CTNNA3: variants seen among roughly 807,000 people sequenced by gnomAD.
CTNNA3 encodes catenin alpha-3.
A neutral mutation model predicts 95.7 loss-of-function variants in CTNNA3; 76 were observed. That is an observed-to-expected ratio of 0.79 (90% CI 0.66 to 0.96). The LOEUF (loss-of-function observed/expected upper bound fraction) is 0.96, where lower values mean the gene tolerates loss of function less well. Among genes scored for constraint, CTNNA3 ranks in the 40% least tolerant of loss-of-function variants. The pLI, the probability that CTNNA3 is intolerant of heterozygous loss-of-function variation, is 0.00. For synonymous variants in CTNNA3, 431 were observed against 374.4 expected (o/e 1.15, Z -1.74); for missense variants, 1,191 against 1,089.8 (o/e 1.09, Z -1.31).
At chr10:66,468,978 T>C (rs1839030678) in intron 11 of CTNNA3, among the ~76,000 whole-genome samples, 1 of 151,844 alleles carries the variant, frequency 6.6e-6, no homozygotes, top group Non-Finnish European at 1.5e-5. Context: ...TGCATAAAAC[T>C]TTAAAAAATA....
rs542901714 is a variant in CTNNA3, at chr10:66,788,309, G to A, written c.1048-12785C>T. Among the ~76,000 whole-genome samples the A allele has an allele frequency of 1.2e-4, 18 of 152,228 alleles. No homozygotes were observed. The East Asian group carries it at 3.1e-3, about 26-fold the overall frequency. ...GCCATAAACTAAGCCTCTCTGAGCA[G>A]GGTGATTTGGACAGGGTGCTATATA... On this transcript the variant is annotated intron_variant, in intron 7 of 17. Coordinates refer to ENST00000433211, the MANE Select transcript of CTNNA3 (RefSeq NM_013266.4).
At chr10:67,425,318 A>C (rs1200620342) in intron 5 of CTNNA3, among the ~76,000 whole-genome samples, 1 of 152,102 alleles carries the variant, frequency 6.6e-6, no homozygotes, top group Non-Finnish European at 1.5e-5. Flanking sequence ...ATGGTATAAT[A>C]TGAAACCTCT....
chr10:67,421,426 A>T (rs887425028), intron 5 of CTNNA3, among the ~76,000 whole-genome samples: 1 of 152,184 alleles, frequency 6.6e-6, no homozygotes, highest in African/African-American at 2.4e-5. Flanking sequence ...ACCAAACTGC[A>T]TCTGCTCTAA....
chr10:67,299,215 T>C (rs1840167772), intron 5 of CTNNA3, among the ~76,000 whole-genome samples: 1 of 152,088 alleles, frequency 6.6e-6, no homozygotes, highest in South Asian at 2.1e-4. Flanking sequence ...ACTTTTGGTT[T>C]ACTACCTCAG....
chr10:66,058,321 G>A lies in CTNNA3; in HGVS notation c.2159+10987C>T, dbSNP rs990724879. ...TTCCATCTCTCAGGGTTGTATCTTAGAAAAGACAGCGGGGGCAGAAATGCT... is the reference window on the plus strand; with the variant it reads ...TTCCATCTCTCAGGGTTGTATCTTAAAAAAGACAGCGGGGGCAGAAATGCT... On this transcript the variant is annotated intron_variant, in intron 15 of 17. Coordinates refer to ENST00000433211, the MANE Select transcript of CTNNA3 (RefSeq NM_013266.4). Among the ~76,000 whole-genome samples, 8 of 152,158 alleles carry A rather than the reference G, an allele frequency of 5.3e-5. No homozygotes were observed. The South Asian group carries it at 1.7e-3, about 32-fold the overall frequency.
chr10:66,817,673 G>A (rs567621497), intron 7 of CTNNA3, among the ~76,000 whole-genome samples: 1 of 151,820 alleles, frequency 6.6e-6, no homozygotes, highest in African/African-American at 2.4e-5. Context: ...TACTGACAAA[G>A]AAAATCTCAG....
intron 5 of CTNNA3, among the ~76,000 whole-genome samples, chr10:67,262,009 A>G (rs553352574): frequency 6.6e-6 from 1 of 152,320 alleles, no homozygotes; most frequent in East Asian, 1.9e-4. Context: ...TCATTTAAAT[A>G]TAATACTCAA....
chr10:66,794,732 T>C lies in CTNNA3; in HGVS notation c.1048-19208A>G, dbSNP rs79349918. On this transcript the variant is annotated intron_variant, in intron 7 of 17. Transcript: ENST00000433211. Reference sequence around the variant, plus strand: ...TCCCTGTAGATATTTGAGAGTTTTTTACTAGCGGTAGAACATCTTTCAGAA... The same window carrying C: ...TCCCTGTAGATATTTGAGAGTTTTTCACTAGCGGTAGAACATCTTTCAGAA... 5.5e-3 allele frequency among the ~76,000 whole-genome samples: 835 copies of C among 152,280 alleles called. 6 individuals are homozygous for C. Among genetic ancestry groups the C allele is most frequent in the Non-Finnish European group, 9.6e-3 (650 of 68,012 alleles).
At chr10:67,028,586 A>G (rs978619855) in intron 7 of CTNNA3, among the ~76,000 whole-genome samples, 1 of 151,938 alleles carries the variant, frequency 6.6e-6, no homozygotes, top group Non-Finnish European at 1.5e-5. Context: ...AGCATGTGCA[A>G]TGAGAATTTT....
rs193196015 is a variant in CTNNA3, at chr10:67,142,854, C to A, written c.1047+37463G>T. 3.2e-3 allele frequency among the ~76,000 whole-genome samples: 486 copies of A among 152,016 alleles called. 2 individuals are homozygous for A. The highest frequency in any genetic ancestry group is 0.011 in the African/African-American group (465 of 41,498). ...GGCTGAGGCAGGGGAATCGCTTGAA[C>A]CCGGGAGGCAGAGGTTGTAGTAAGC... On this transcript the variant is annotated intron_variant, in intron 7 of 17. Transcript: ENST00000433211.
chr10:66,029,569 C>G (rs1009862644), intron 15 of CTNNA3, among the ~76,000 whole-genome samples: 3 of 152,162 alleles, frequency 2.0e-5, no homozygotes, highest in Admixed American at 1.3e-4. Context: ...AACCTACAAC[C>G]AGCAAGAATG....
chr10:66,732,432 G>A (rs1848991186), intron 9 of CTNNA3, among the ~76,000 whole-genome samples: 2 of 152,086 alleles, frequency 1.3e-5, no homozygotes, highest in African/African-American at 4.8e-5. Flanking sequence ...TGGTAATAAC[G>A]ACATTCTCGA....
intron 16 of CTNNA3, among the ~76,000 whole-genome samples, chr10:65,982,347 C>T (rs2078336965): frequency 6.7e-6 from 1 of 150,208 alleles, no homozygotes; most frequent in South Asian, 2.1e-4. Flanking sequence ...AACAAAACAA[C>T]AAAAAAAGGT....
chr10:66,445,511 T>G (rs942208931), intron 11 of CTNNA3, among the ~76,000 whole-genome samples: 2 of 152,072 alleles, frequency 1.3e-5, no homozygotes, highest in African/African-American at 4.8e-5. Context: ...AAGGCAGGAT[T>G]AAGAAACTCA....
At chr10:67,251,899 C>T (rs1052040733) in intron 5 of CTNNA3, among the ~76,000 whole-genome samples, 1 of 152,056 alleles carries the variant, frequency 6.6e-6, no homozygotes, top group Non-Finnish European at 1.5e-5. Context: ...TCACTAGTGG[C>T]CTCAGATGTT....
At chr10:66,894,045 G>T (rs911073592) in intron 7 of CTNNA3, among the ~76,000 whole-genome samples, 1 of 151,992 alleles carries the variant, frequency 6.6e-6, no homozygotes, top group East Asian at 1.9e-4. Context: ...AAAGAAAAAA[G>T]TTATTGCATG....
intron 10 of CTNNA3, among the ~76,000 whole-genome samples, chr10:66,529,612 A>G (rs564557137): frequency 3.3e-5 from 5 of 152,040 alleles, no homozygotes; most frequent in African/African-American, 7.2e-5. Flanking sequence ...TGCTTTTACT[A>G]TATGTGTAAA....
intron 11 of CTNNA3, among the ~76,000 whole-genome samples, chr10:66,431,584 A>T (rs1474324394): frequency 2.6e-5 from 4 of 152,050 alleles, no homozygotes; most frequent in Non-Finnish European, 5.9e-5. Context: ...TGATGAGTTC[A>T]TGTCCTTTGT....
chr10:67,109,094 G>T (rs1564896726), intron 7 of CTNNA3, among the ~76,000 whole-genome samples: 1 of 152,004 alleles, frequency 6.6e-6, no homozygotes, highest in Non-Finnish European at 1.5e-5. Flanking sequence ...CTAACTTCAG[G>T]AATATGTGAC....
Sources: allele counts gnomAD v4.1 joint callset (sites outside exome capture counted in the v4.1 genomes callset), GRCh38; gene constraint gnomAD v4.1.1; transcripts MANE v1.5; gene names NCBI Gene and HGNC (gene_info 2026-07-23, HGNC 2026-07-21).